Variants in ADK observed in about 807,000 individuals in gnomAD.
ADK encodes N6,N6-dimethyladenosine kinase.
In ADK, 24 loss-of-function variants were observed where a neutral mutation model predicts 44.7. The ratio of observed to expected loss-of-function variants is 0.54; its 90% CI spans 0.39 to 0.76. The LOEUF is 0.76. ADK is among the 30% of genes least tolerant of loss of function. ADK has a pLI of 0.00. For missense variants in ADK, 321 were observed against 425.1 expected (o/e 0.76, Z 2.15); for synonymous variants, 128 against 142.6 (o/e 0.90, Z 0.73).
rs36030657 is a variant in ADK, at chr10:74,353,570, T to TAA, written c.273+38841_273+38842dup. Among the ~76,000 whole-genome samples the TAA allele has an allele frequency of 7.5e-3, 1,016 of 135,388 alleles. 12 individuals carry two copies. The highest frequency in any genetic ancestry group is 0.02 in the African/African-American group (716 of 35,706). The allele number at this position is 135,388 out of a possible 152,430, so 88.8% of individuals were successfully genotyped here. A position where few individuals can be genotyped will look rare whatever the true frequency, so the allele number is the denominator to read the frequency against. ...GCACATATATCCCAGAACTTAAAGT[T>TAA]AAAAAAAAAAAAAAAAAGCCAGGCG... On this transcript the variant is annotated intron_variant, in intron 4 of 10. Transcript: ENST00000539909.
intron 3 of ADK, among the ~76,000 whole-genome samples, chr10:74,312,245 G>A (rs1027276654): frequency 6.6e-6 from 1 of 151,958 alleles, no homozygotes; most frequent in Non-Finnish European, 1.5e-5. Context: ...AACCAAGAAC[G>A]GCCAAAGCAC....
intron 10 of ADK, among the ~76,000 whole-genome samples, chr10:74,683,770 T>C (rs1474982107): frequency 2.0e-5 from 3 of 152,230 alleles, no homozygotes; most frequent in Non-Finnish European, 4.4e-5. Flanking sequence ...TAAAATACTT[T>C]CTACATGATC....
At chr10:74,254,201 G>A (rs1244374584) in intron 3 of ADK, among the ~76,000 whole-genome samples, 3 of 152,138 alleles carry the variant, frequency 2.0e-5, no homozygotes, top group South Asian at 4.1e-4. Flanking sequence ...GAAAATAAGA[G>A]CATTATAGAG....
intron 4 of ADK, among the ~76,000 whole-genome samples, chr10:74,390,748 T>A (rs767495252): frequency 2.0e-5 from 3 of 152,168 alleles, no homozygotes; most frequent in Non-Finnish European, 2.9e-5. Flanking sequence ...TCCTCCCACC[T>A]TTTTGGTTAA....
intron 7 of ADK, chr10:74,527,566 A>T: frequency 1.3e-6 from 1 of 749,786 alleles, no homozygotes; most frequent in East Asian, 2.5e-5. Context: ...TAAGAGCTCA[A>T]ATTTGGAGGA....
At chr10:74,219,459 A>G (rs1032077207) in intron 2 of ADK, among the ~76,000 whole-genome samples, 14 of 152,322 alleles carry the variant, frequency 9.2e-5, no homozygotes, top group African/African-American at 3.1e-4. Flanking sequence ...AGACAGATCA[A>G]TGAGACAGAA....
At chr10:74,506,196 T>G (rs1267196418) in intron 6 of ADK, 1 of 157,078 alleles carries the variant, frequency 6.4e-6, no homozygotes, top group Non-Finnish European at 1.4e-5. Context: ...TTACAGAAAC[T>G]TCAAGGTTTT....
intron 6 of ADK, among the ~76,000 whole-genome samples, chr10:74,481,849 A>G (rs1385069449): frequency 1.3e-5 from 2 of 152,234 alleles, no homozygotes; most frequent in African/African-American, 4.8e-5. Context: ...AATTGTCCAT[A>G]TGATGCACAT....
At chr10:74,414,960 T>C (rs1844319000) in intron 6 of ADK, among the ~76,000 whole-genome samples, 1 of 152,168 alleles carries the variant, frequency 6.6e-6, no homozygotes, top group African/African-American at 2.4e-5. Context: ...AGAGAAGAAA[T>C]CTTTGGGAAT....
chr10:74,404,594 T>C (rs1843843196), intron 6 of ADK, among the ~76,000 whole-genome samples: 1 of 152,246 alleles, frequency 6.6e-6, no homozygotes, highest in South Asian at 2.1e-4. Context: ...TGTTACCCCA[T>C]TGCCATCTTA....
At chr10:74,192,610 CAG>C (rs1237983710) in intron 1 of ADK, among the ~76,000 whole-genome samples, 1 of 151,622 alleles carries the variant, frequency 6.6e-6, no homozygotes, top group African/African-American at 2.4e-5. Context: ...TTGCACACTA[CAG>C]TCCTCCTGGG....
At chr10:74,156,875 A>G (rs890042026) in intron 1 of ADK, among the ~76,000 whole-genome samples, 1 of 152,228 alleles carries the variant, frequency 6.6e-6, no homozygotes, top group African/African-American at 2.4e-5. Flanking sequence ...AAGGAAAGGA[A>G]AAGATATAGA....
At chr10:74,191,006 A>G (rs1454994976) in intron 1 of ADK, among the ~76,000 whole-genome samples, 1 of 139,918 alleles carries the variant, frequency 7.1e-6, no homozygotes, top group Non-Finnish European at 1.5e-5. Flanking sequence ...TTTGAGATGC[A>G]GTCTTGCATT....
intron 9 of ADK, 137 bp from the exon 10 acceptor site, chr10:74,670,046 C>T (rs749385483): frequency 1.4e-4 from 107 of 741,166 alleles, no homozygotes; most frequent in Non-Finnish European, 2.2e-4. Context: ...CCCAAGTGCC[C>T]CTGTACAGAA....
chr10:74,480,168 T>C (rs1262282244), intron 6 of ADK, among the ~76,000 whole-genome samples: 1 of 151,978 alleles, frequency 6.6e-6, no homozygotes, highest in African/African-American at 2.4e-5. Context: ...AGTTTTGTCT[T>C]GCTTTGTGTT....
intron 9 of ADK, among the ~76,000 whole-genome samples, chr10:74,623,734 T>TAC (rs1219877797): frequency 1.3e-5 from 2 of 151,276 alleles, no homozygotes; most frequent in African/African-American, 4.9e-5. Context: ...TATATATATA[T>TAC]ACACACACAT....
At chr10:74,189,085 T>C (rs1842872980) in intron 1 of ADK, among the ~76,000 whole-genome samples, 1 of 152,172 alleles carries the variant, frequency 6.6e-6, no homozygotes. Flanking sequence ...TTTTCTTTGC[T>C]AACCCCTAGT....
At chr10:74,288,489 A>G (rs908749259) in intron 3 of ADK, among the ~76,000 whole-genome samples, 1 of 152,060 alleles carries the variant, frequency 6.6e-6, no homozygotes, top group African/African-American at 2.4e-5. Flanking sequence ...ATCTCTACCA[A>G]AAATACAAAA....
intron 6 of ADK, among the ~76,000 whole-genome samples, chr10:74,514,809 A>G (rs564834673): frequency 1.8e-4 from 27 of 151,798 alleles, no homozygotes; most frequent in Non-Finnish European, 2.9e-5. Flanking sequence ...TTGACATTAC[A>G]TGTTTTCTTG....
Sources: allele counts gnomAD v4.1 joint callset (sites outside exome capture counted in the v4.1 genomes callset), GRCh38; gene constraint gnomAD v4.1.1; transcripts MANE v1.5; gene names NCBI Gene and HGNC (gene_info 2026-07-23, HGNC 2026-07-21).